SNTG1: variants seen among roughly 807,000 people sequenced by gnomAD.
The protein encoded by SNTG1 is syntrophin gamma 1.
SNTG1 carries 39 observed loss-of-function variants against 74.7 expected under a neutral mutation model. The observed-to-expected ratio is 0.52, with a 90% CI of 0.40 to 0.68. The LOEUF (loss-of-function observed/expected upper bound fraction) is 0.68, where lower values mean the gene tolerates loss of function less well. SNTG1 is among the 30% of genes least tolerant of loss of function. SNTG1 has a pLI of 0.00. For synonymous variants in SNTG1, 254 were observed against 217.1 expected (o/e 1.17, Z -1.49); for missense variants, 685 against 609.5 (o/e 1.12, Z -1.30).
intron 1 of SNTG1, among the ~76,000 whole-genome samples, chr8:49,931,176 C>G (rs1013248678): frequency 6.6e-6 from 1 of 152,154 alleles, no homozygotes; most frequent in Non-Finnish European, 1.5e-5. Context: ...GTAACAAGCT[C>G]TGATATACAT....
intron 1 of SNTG1, among the ~76,000 whole-genome samples, chr8:49,998,277 T>C (rs1814423385): frequency 6.6e-6 from 1 of 152,154 alleles, no homozygotes; most frequent in Non-Finnish European, 1.5e-5. Flanking sequence ...GAGTGAGTGG[T>C]GACTGAATGT....
Position 50,141,197 on chromosome 8 carries a change from A to G in SNTG1, c.-102-31364A>G, listed in dbSNP as rs1343792618. On this transcript the variant is annotated intron_variant, in intron 1 of 18. Coordinates refer to ENST00000642720, the MANE Select transcript of SNTG1 (RefSeq NM_018967.5). Reference sequence around the variant, plus strand: ...GTCTCTTTTCAACTTTCTTACTTAAATATATGGGAATAGGATTGCCAGATC... The same window carrying G: ...GTCTCTTTTCAACTTTCTTACTTAAGTATATGGGAATAGGATTGCCAGATC... Among the ~76,000 whole-genome samples the G allele has an allele frequency of 3.3e-5, 5 of 152,298 alleles. No homozygotes were observed. The South Asian group carries it at 8.3e-4, about 25-fold the overall frequency.
intron 1 of SNTG1, among the ~76,000 whole-genome samples, chr8:50,159,125 C>G (rs1465917388): frequency 6.6e-6 from 1 of 151,678 alleles, no homozygotes; most frequent in Non-Finnish European, 1.5e-5. Flanking sequence ...TTGTTCCTGT[C>G]TTGGCTCCAT....
intron 18 of SNTG1, among the ~76,000 whole-genome samples, chr8:50,775,082 AT>A (rs1340121887): frequency 2.0e-5 from 3 of 151,398 alleles, no homozygotes; most frequent in African/African-American, 7.3e-5. Context: ...AGGAACAAAG[AT>A]AAAAACTTAT....
chr8:50,554,658 G>A lies in SNTG1; in HGVS notation c.810+1479G>A, dbSNP rs560482553. Reference sequence around the variant, plus strand: ...CCATATTAGAGTTGAGGTTGCACAAGAGGGCATAGGTTTCAGAATGACTGA... The same window carrying A: ...CCATATTAGAGTTGAGGTTGCACAAAAGGGCATAGGTTTCAGAATGACTGA... On this transcript the variant is annotated intron_variant, in intron 12 of 18. Coordinates refer to ENST00000642720, the MANE Select transcript of SNTG1 (RefSeq NM_018967.5). Among the ~76,000 whole-genome samples the A allele has an allele frequency of 3.3e-5, 5 of 152,068 alleles. No homozygotes were observed. The South Asian group carries it at 1.0e-3, about 32-fold the overall frequency.
At chr8:49,923,490 G>C (rs936063491) in intron 1 of SNTG1, among the ~76,000 whole-genome samples, 1 of 152,046 alleles carries the variant, frequency 6.6e-6, no homozygotes, top group Non-Finnish European at 1.5e-5. Context: ...TTCCTTCAAT[G>C]TGTACTTCCA....
chr8:50,764,002 TAGAG>T (rs918933055), intron 18 of SNTG1, among the ~76,000 whole-genome samples: 7 of 147,142 alleles, frequency 4.8e-5, no homozygotes, highest in Admixed American at 3.4e-4. Flanking sequence ...TGAAACAAAA[TAGAG>T]AGGCCAGAAA....
chr8:50,601,344 A>G (rs2094773806), intron 13 of SNTG1, among the ~76,000 whole-genome samples: 1 of 151,886 alleles, frequency 6.6e-6, no homozygotes, highest in South Asian at 2.1e-4. Context: ...TTGTTTCAAG[A>G]GGTTTTTCAA....
chr8:50,218,245 G>C (rs976081238), intron 2 of SNTG1, among the ~76,000 whole-genome samples: 2 of 152,176 alleles, frequency 1.3e-5, no homozygotes, highest in African/African-American at 4.8e-5. Flanking sequence ...GATGGTTGTA[G>C]AAAATTACAC....
intron 18 of SNTG1, among the ~76,000 whole-genome samples, chr8:50,788,576 G>A (rs2095682447): frequency 6.6e-6 from 1 of 151,810 alleles, no homozygotes; most frequent in African/African-American, 2.4e-5. Flanking sequence ...AGGTCTGATT[G>A]CAAAAATTCA....
chr8:50,599,884 CAA>C (rs1238592240), intron 13 of SNTG1, among the ~76,000 whole-genome samples: 1 of 152,060 alleles, frequency 6.6e-6, no homozygotes, highest in Non-Finnish European at 1.5e-5. Flanking sequence ...ATGATCCAGA[CAA>C]AGATGCTTTC....
At chr8:50,181,289 C>T (rs1226073880) in intron 2 of SNTG1, among the ~76,000 whole-genome samples, 1 of 152,216 alleles carries the variant, frequency 6.6e-6, no homozygotes, top group African/African-American at 2.4e-5. Context: ...GTCTCAGATC[C>T]TGCATCTGGA....
chr8:50,296,468 A>G (rs1166162775), intron 2 of SNTG1, among the ~76,000 whole-genome samples: 2 of 152,198 alleles, frequency 1.3e-5, no homozygotes, highest in Non-Finnish European at 1.5e-5. Context: ...TTGCAATGAC[A>G]TGGATGAAGC....
At chr8:49,920,727 A>G (rs1806461469) in intron 1 of SNTG1, among the ~76,000 whole-genome samples, 1 of 151,984 alleles carries the variant, frequency 6.6e-6, no homozygotes, top group Non-Finnish European at 1.5e-5. Context: ...TCACATGTTG[A>G]AAGTCATATT....
chr8:50,304,892 T>C (rs77791080), intron 2 of SNTG1, among the ~76,000 whole-genome samples: 7,273 of 152,166 alleles, frequency 0.048, 248 homozygotes, highest in Non-Finnish European at 0.076. Flanking sequence ...GAACTTTTAT[T>C]TTTATTTTTT....
intron 18 of SNTG1, among the ~76,000 whole-genome samples, chr8:50,772,086 G>A (rs559487878): frequency 1.3e-5 from 2 of 152,098 alleles, no homozygotes; most frequent in Admixed American, 6.6e-5. Flanking sequence ...GCTCTACCAA[G>A]TCCTCACCAG....
chr8:50,222,638 G>A (rs1400978848), intron 2 of SNTG1, among the ~76,000 whole-genome samples: 1 of 152,084 alleles, frequency 6.6e-6, no homozygotes, highest in African/African-American at 2.4e-5. Flanking sequence ...CTGACTTCAA[G>A]GCATTGTGGG....
At chr8:49,926,980 A>G (rs1429808228) in intron 1 of SNTG1, among the ~76,000 whole-genome samples, 1 of 152,228 alleles carries the variant, frequency 6.6e-6, no homozygotes, top group Non-Finnish European at 1.5e-5. Context: ...GCAAATAAGC[A>G]TATGAAAAGA....
At chr8:50,375,240 A>T (rs2131180652) in intron 2 of SNTG1, among the ~76,000 whole-genome samples, 1 of 152,190 alleles carries the variant, frequency 6.6e-6, no homozygotes, top group Middle Eastern at 3.4e-3. Context: ...TTGAATCTAT[A>T]CTCTAATGTC....
Sources: allele counts gnomAD v4.1 joint callset (sites outside exome capture counted in the v4.1 genomes callset), GRCh38; gene constraint gnomAD v4.1.1; transcripts MANE v1.5; gene names NCBI Gene and HGNC (gene_info 2026-07-23, HGNC 2026-07-21).